Variants in KCNH7 observed in about 807,000 individuals in gnomAD.
The protein encoded by KCNH7 is potassium voltage-gated channel subfamily H member 7, also known as voltage-gated inwardly rectifying potassium channel KCNH7.
KCNH7 carries 49 observed loss-of-function variants against 120.8 expected under a neutral mutation model. The observed-to-expected ratio is 0.41, with a 90% CI of 0.32 to 0.51. The LOEUF is 0.51. Ranked by LOEUF, KCNH7 falls within the 20% of genes least tolerant of loss-of-function variation. The pLI is 0.38. For missense variants in KCNH7, 1,097 were observed against 1,446.6 expected (o/e 0.76, Z 3.92); for synonymous variants, 547 against 516.1 (o/e 1.06, Z -0.81).
intron 6 of KCNH7, among the ~76,000 whole-genome samples, chr2:162,496,078 T>C (rs1430951325): frequency 6.6e-6 from 1 of 152,136 alleles, no homozygotes; most frequent in Admixed American, 6.5e-5. Flanking sequence ...AATGAAACCA[T>C]GCATGGATGT....
chr2:162,575,662 C>T (rs1693644350), intron 2 of KCNH7, among the ~76,000 whole-genome samples: 1 of 152,066 alleles, frequency 6.6e-6, no homozygotes, highest in Non-Finnish European at 1.5e-5. Flanking sequence ...GACTTTCCCA[C>T]GGAACATAAA....
At chr2:162,705,724 G>A (rs1686675611) in intron 2 of KCNH7, among the ~76,000 whole-genome samples, 1 of 152,046 alleles carries the variant, frequency 6.6e-6, no homozygotes, top group African/African-American at 2.4e-5. Flanking sequence ...TGTAGTTTCA[G>A]ATAGCCTTTA....
intron 2 of KCNH7, among the ~76,000 whole-genome samples, chr2:162,780,065 C>T (rs1258934787): frequency 6.6e-6 from 1 of 152,140 alleles, no homozygotes; most frequent in Non-Finnish European, 1.5e-5. Flanking sequence ...AAATCATTTG[C>T]TTATGAATTA....
intron 2 of KCNH7, among the ~76,000 whole-genome samples, chr2:162,679,237 T>C (rs1685630131): frequency 6.6e-6 from 1 of 151,542 alleles, no homozygotes; most frequent in African/African-American, 2.4e-5. Context: ...GCTTGTATAG[T>C]TAGAGCAGAA....
chr2:162,555,938 T>G (rs935517904), intron 2 of KCNH7, among the ~76,000 whole-genome samples: 1 of 152,058 alleles, frequency 6.6e-6, no homozygotes, highest in African/African-American at 2.4e-5. Flanking sequence ...TAGCTCAAAG[T>G]GTTTAAAAAA....
intron 2 of KCNH7, among the ~76,000 whole-genome samples, chr2:162,643,576 AG>A (rs2105242133): frequency 6.6e-6 from 1 of 152,180 alleles, no homozygotes; most frequent in Admixed American, 6.5e-5. Context: ...TGGGAGGCCA[AG>A]GCTGGTGGAT....
At chr2:162,667,317 G>A (rs1229608777) in intron 2 of KCNH7, among the ~76,000 whole-genome samples, 3 of 152,080 alleles carry the variant, frequency 2.0e-5, no homozygotes, top group Middle Eastern at 3.4e-3. Flanking sequence ...CACCATGCCC[G>A]GACTCCATCC....
intron 5 of KCNH7, among the ~76,000 whole-genome samples, chr2:162,511,336 C>T (rs1004995375): frequency 1.3e-5 from 2 of 151,612 alleles, no homozygotes; most frequent in Non-Finnish European, 3.0e-5. Context: ...TACTAATTTA[C>T]TGCTAATTGT....
rs971692894 is a variant in KCNH7, at chr2:162,562,480, G to A, written c.308-25400C>T. Among the ~76,000 whole-genome samples the A allele has an allele frequency of 7.2e-5, 11 of 152,238 alleles. No individual in the cohort carries two copies. In the South Asian group the frequency reaches 8.3e-4, roughly 11 times the overall value. Reference sequence around the variant, plus strand: ...TGTCCTGTTCTGAACTAGTTGCACCGTGGCTTTGGGGTGAGTCCAAGATGC... The same window carrying A: ...TGTCCTGTTCTGAACTAGTTGCACCATGGCTTTGGGGTGAGTCCAAGATGC... On this transcript the variant is annotated intron_variant, in intron 2 of 15. Transcript: ENST00000332142.
chr2:162,441,077 C>T (rs1367976568), intron 7 of KCNH7, among the ~76,000 whole-genome samples: 1 of 151,974 alleles, frequency 6.6e-6, no homozygotes, highest in Non-Finnish European at 1.5e-5. Context: ...AAAAGTCATG[C>T]CATACATTTT....
At chr2:162,668,757 C>A (rs1162191059) in intron 2 of KCNH7, among the ~76,000 whole-genome samples, 1 of 152,080 alleles carries the variant, frequency 6.6e-6, no homozygotes, top group African/African-American at 2.4e-5. Flanking sequence ...TTTACAATTT[C>A]AAATATTTTA....
At position 162,530,353 on chromosome 2, in the gene KCNH7, AAT is replaced by A. The variant is rs571569176; in HGVS notation, c.463+6570_463+6571del. On this transcript the variant is annotated intron_variant, in intron 3 of 15. Coordinates refer to ENST00000332142, the MANE Select transcript of KCNH7 (RefSeq NM_033272.4). Reference sequence around the variant, plus strand: ...TTTTCCTTTATTTTGTCTCTATTTCAATAGAGGTATTTAAATTTTCAGAAAGT... The same window carrying A: ...TTTTCCTTTATTTTGTCTCTATTTCAAGAGGTATTTAAATTTTCAGAAAGT... Among the ~76,000 whole-genome samples, 785 of 151,822 alleles carry A rather than the reference AAT, an allele frequency of 5.2e-3. 10 individuals carry two copies. The highest frequency in any genetic ancestry group is 0.018 in the African/African-American group (742 of 41,412).
intron 6 of KCNH7, among the ~76,000 whole-genome samples, chr2:162,472,674 G>A (rs577066130): frequency 3.9e-5 from 6 of 152,132 alleles, no homozygotes; most frequent in African/African-American, 4.8e-5. Flanking sequence ...TGTGGCAGTC[G>A]GTGTGGTGAT....
At chr2:162,489,471 G>A (rs573094851) in intron 6 of KCNH7, among the ~76,000 whole-genome samples, 8 of 152,182 alleles carry the variant, frequency 5.3e-5, no homozygotes, top group East Asian at 3.9e-4. Context: ...TGCAGCTCAC[G>A]GGCTGAGGGC....
chr2:162,418,320 T>A (rs1396875426), intron 9 of KCNH7, among the ~76,000 whole-genome samples: 1 of 152,128 alleles, frequency 6.6e-6, no homozygotes, highest in Non-Finnish European at 1.5e-5. Flanking sequence ...ATCATATTTC[T>A]GAAATTTTAT....
chr2:162,806,289 T>A (rs561916608), intron 2 of KCNH7, among the ~76,000 whole-genome samples: 1 of 152,272 alleles, frequency 6.6e-6, no homozygotes, highest in Admixed American at 6.5e-5. Context: ...CTTAGCTAAC[T>A]CAATTTTGGG....
At chr2:162,647,279 G>A (rs1259633335) in intron 2 of KCNH7, among the ~76,000 whole-genome samples, 1 of 152,132 alleles carries the variant, frequency 6.6e-6, no homozygotes, top group Non-Finnish European at 1.5e-5. Context: ...TTTTTTGTGT[G>A]TTGGTGTGTA....
intron 5 of KCNH7, among the ~76,000 whole-genome samples, chr2:162,507,378 A>T: frequency 6.6e-6 from 1 of 151,686 alleles, no homozygotes; most frequent in East Asian, 1.9e-4. Flanking sequence ...CTTCCTATGT[A>T]TGTAAAATGA....
intron 2 of KCNH7, among the ~76,000 whole-genome samples, chr2:162,756,375 C>T (rs746415055): frequency 2.6e-5 from 4 of 152,150 alleles, no homozygotes; most frequent in Non-Finnish European, 5.9e-5. Context: ...ATATATTAGA[C>T]TCTTCATTAA....
Sources: gnomAD v4.1 joint callset for allele counts (sites outside exome capture counted in the v4.1 genomes callset) on GRCh38, gnomAD v4.1.1 for gene constraint, MANE v1.5 for transcripts, NCBI Gene and HGNC (gene_info 2026-07-23, HGNC 2026-07-21) for gene names.